Variants in RNF168 observed in about 807,000 individuals in gnomAD.
RNF168 encodes ring finger protein 168.
Under a neutral mutation model 34.9 loss-of-function variants are expected in RNF168, and 34 were observed. The ratio of observed to expected loss-of-function variants is 0.97; its 90% CI spans 0.74 to 1.30. The LOEUF is 1.30. RNF168 is among the 50% of genes most tolerant of loss of function. The pLI is 0.00. For missense variants in RNF168, 725 were observed against 682.5 expected, an observed-to-expected ratio of 1.06 and a Z score of -0.69; for synonymous variants, 264 against 254.7, an observed-to-expected ratio of 1.04 and a Z score of -0.35.
At chr3:196,486,912 G>T (rs1732440667) in intron 3 of RNF168, among the ~76,000 whole-genome samples, 1 of 152,128 alleles carries the variant, frequency 6.6e-6, no homozygotes, top group South Asian at 2.1e-4. Context: ...CCACAAAAAA[G>T]TAGCCAGGCA....
intron 4 of RNF168, among the ~76,000 whole-genome samples, chr3:196,478,070 C>T (rs1485204323): frequency 1.3e-5 from 2 of 152,224 alleles, no homozygotes; most frequent in Non-Finnish European, 2.9e-5. Context: ...CAGTGAGACC[C>T]TGTCTCTTAA....
In RNF168 at chr3:196,472,397, G is replaced by A. The variant is rs761901994; in HGVS notation, c.1138C>T (p.Leu380=). 10 of 1,613,846 alleles carry A rather than the reference G, an allele frequency of 6.2e-6. No homozygotes were observed. In the Admixed American group the frequency reaches 1.5e-4, roughly 24 times the overall value. ...GETENEESCL[L]ISKEISKRKN... ...CTTTTGGAAATCTCCTTACTGATCA[G>A]TAGGCACGACTCTTCATTTTCTGTC... is the stretch of plus-strand genomic sequence containing the variant. The change falls in exon 6 of 6, where the codon CTG becomes TTG. Residue 380 remains leucine (L), a synonymous_variant. Transcript: ENST00000318037.
intron 3 of RNF168, among the ~76,000 whole-genome samples, chr3:196,485,760 T>G (rs1420152171): frequency 2.0e-5 from 3 of 148,540 alleles, no homozygotes; most frequent in Non-Finnish European, 4.5e-5. Context: ...GTATACTCAT[T>G]TTGCTAAGTG....
rs1360881386 is a variant in RNF168, at chr3:196,502,604, A to AGGC, written c.301+266_301+268dup. Among the ~76,000 whole-genome samples, 518 of 149,962 alleles carry AGGC rather than the reference A, an allele frequency of 3.5e-3. 7 individuals carry two copies. The highest frequency in any genetic ancestry group is 0.013 in the South Asian group (63 of 4,758). ...TCCTGTCTCAAAAAAAAAAAAAAGA[A>AGGC]GGCTCCAGACGGGCAATTCTTTAAT... On this transcript the variant is annotated intron_variant, in intron 1 of 5. Transcript: ENST00000318037.
rs1385124416 is a variant in RNF168 at position 196,474,287 on chromosome 3, G to T, written c.762+944C>A. On this transcript the variant is annotated intron_variant, in intron 5 of 5. Transcript: ENST00000318037. ...GGACTACAGGTATGTGCCACACCTG[G>T]CTAATTTTTTTTTTTTTTTTGGTAT... Among the ~76,000 whole-genome samples the T allele has an allele frequency of 2.6e-5, 3 of 116,080 alleles. No homozygotes were observed. In the East Asian group the frequency reaches 6.1e-4, roughly 24 times the overall value. The allele number at this position is 116,080 out of a possible 152,430, so 76.2% of individuals were successfully genotyped here. A position where few individuals can be genotyped will look rare whatever the true frequency, so the allele number is the denominator to read the frequency against.
intron 1 of RNF168, among the ~76,000 whole-genome samples, chr3:196,497,067 A>C (rs1356586434): frequency 6.6e-6 from 1 of 151,874 alleles, no homozygotes; most frequent in Non-Finnish European, 1.5e-5. Flanking sequence ...AACTGCTTGA[A>C]CCTGGGAGGC....
Position 196,471,655 on chromosome 3 carries a change from A to T in RNF168, c.*164T>A. On this transcript the variant is annotated 3_prime_UTR_variant, in exon 6 of 6. Transcript: ENST00000318037. ...CCCTGCTTACCGCTGAGCTGTGCAG[A>T]AGCTCATGTGTCTATGCAGTCCTTA... 1 of 652,694 alleles carries T rather than the reference A, an allele frequency of 1.5e-6. No homozygotes were observed. The allele number at this position is 652,694 out of a possible 1,614,324, so 40.4% of individuals were successfully genotyped here. A position where few individuals can be genotyped will look rare whatever the true frequency, so the allele number is the denominator to read the frequency against.
Position 196,483,816 on chromosome 3 carries a change from C to T in RNF168, c.634G>A (p.Glu212Lys). The stretch of plus-strand genomic sequence containing the variant: ...CTTTGTTTGTTCTTACTTTTCTTTT[C>T]AGACTTGGGTGTAACTGGATCAGAT... ...RKSDPVTPKS[E>K]KKSKNKQRNT... Residue 212 changes from glutamate (E) to lysine (K), a missense_variant, in exon 4 of 6, where the codon GAA becomes AAA. Glu to Lys is a moderately conservative substitution (Grantham distance 56, BLOSUM62 1). Transcript: ENST00000318037. 1 of 1,609,714 alleles carries T rather than the reference C, an allele frequency of 6.2e-7. No individual in the cohort carries two copies. The highest frequency in any genetic ancestry group is 8.5e-7 in the Non-Finnish European group (1 of 1,176,104).
chr3:196,488,340 G>GAGT (rs1732506375), intron 2 of RNF168, among the ~76,000 whole-genome samples: 1 of 152,002 alleles, frequency 6.6e-6, no homozygotes, highest in Admixed American at 6.6e-5. Context: ...AAATTAGCCA[G>GAGT]GCGTAGTGGC....
At chr3:196,489,147 C>T (rs540378289) in intron 1 of RNF168, among the ~76,000 whole-genome samples, 91 of 151,750 alleles carry the variant, frequency 6.0e-4, no homozygotes, top group Middle Eastern at 3.4e-3. Flanking sequence ...TGAGCCACCA[C>T]GCCCGGCCTG....
chr3:196,482,145 T>C lies in RNF168; in HGVS notation c.680+1625A>G, dbSNP rs115584776. Among the ~76,000 whole-genome samples, 1,463 of 152,254 alleles carry C rather than the reference T, an allele frequency of 9.6e-3. 23 individuals carry two copies. Among genetic ancestry groups the C allele is most frequent in the African/African-American group, 0.034 (1,392 of 41,548 alleles). On this transcript the variant is annotated intron_variant, in intron 4 of 5. Coordinates refer to ENST00000318037, the MANE Select transcript of RNF168 (RefSeq NM_152617.4). Reference sequence around the variant, plus strand: ...TTCTGATACGGCACGTAAAGCCTTCTAAATACCACTTTAGCCACATACCAG... The same window carrying C: ...TTCTGATACGGCACGTAAAGCCTTCCAAATACCACTTTAGCCACATACCAG...
In RNF168 at chr3:196,502,976, G is replaced by A. The variant is rs1445416016; in HGVS notation, c.198C>T (p.Thr66=). The A allele has an allele frequency of 6.2e-7, 1 of 1,613,948 alleles. No homozygotes were observed. Among genetic ancestry groups the A allele is most frequent in the Admixed American group, 1.7e-5 (1 of 59,996 alleles). The change falls in exon 1 of 6, where the codon ACC becomes ACT. Residue 66 remains threonine, a synonymous_variant. Coordinates refer to ENST00000318037, the MANE Select transcript of RNF168 (RefSeq NM_152617.4). ...CCACGTTGACGAGAGAATTTCTTCG[G>A]GTATGGTACCGAGTCCACGACGATA... The part of the protein sequence containing the change: ...RRVSSWTRYH[T]RRNSLVNVEL...
At chr3:196,497,112 C>T (rs1010497852) in intron 1 of RNF168, among the ~76,000 whole-genome samples, 1 of 151,852 alleles carries the variant, frequency 6.6e-6, no homozygotes, top group Non-Finnish European at 1.5e-5. Context: ...CGCCACTGCA[C>T]TCCAGCCTAG....
intron 4 of RNF168, among the ~76,000 whole-genome samples, chr3:196,478,509 G>A (rs1381463362): frequency 1.3e-5 from 2 of 152,046 alleles, no homozygotes; most frequent in East Asian, 1.9e-4. Context: ...AGTCGCTCTC[G>A]GCCTACTCTG....
At chr3:196,488,253 G>A (rs919225631) in intron 2 of RNF168, among the ~76,000 whole-genome samples, 5 of 151,972 alleles carry the variant, frequency 3.3e-5, no homozygotes, top group Admixed American at 1.3e-4. Flanking sequence ...AGGCCGAGGC[G>A]GGCGGATCAC....
intron 3 of RNF168, among the ~76,000 whole-genome samples, chr3:196,486,636 G>C (rs970222601): frequency 6.6e-6 from 1 of 152,190 alleles, no homozygotes; most frequent in African/African-American, 2.4e-5. Flanking sequence ...ACCCTGGCAA[G>C]AAAAAAGTTG....
intron 1 of RNF168, among the ~76,000 whole-genome samples, chr3:196,489,347 G>C (rs1049479483): frequency 1.3e-5 from 2 of 148,262 alleles, no homozygotes; most frequent in African/African-American, 5.1e-5. Context: ...TTTTTTTTGA[G>C]ACAGAGTCTT....
chr3:196,492,574 A>C (rs1345558653), intron 1 of RNF168, among the ~76,000 whole-genome samples: 1 of 152,138 alleles, frequency 6.6e-6, no homozygotes, highest in African/African-American at 2.4e-5. Flanking sequence ...TCAGGAGTTC[A>C]AAACCAGCCT....
chr3:196,475,315 A>G lies in RNF168; in HGVS notation c.681-3T>C, dbSNP rs1333426637. On this transcript the variant is annotated splice_polypyrimidine_tract_variant and splice_region_variant and intron_variant, in intron 4 of 5. Coordinates refer to ENST00000318037, the MANE Select transcript of RNF168 (RefSeq NM_152617.4). ...ACTGAGATTTCGGTGTCAAATACCT[A>G]AAAGAAAAGTTTACCAAAGTTTCAA... 1.3e-6 allele frequency: 2 copies of G among 1,586,452 alleles called. No individual in the cohort carries two copies. Among genetic ancestry groups the G allele is most frequent in the South Asian group, 1.1e-5 (1 of 90,504 alleles).
Sources: gnomAD v4.1 joint callset for allele counts (sites outside exome capture counted in the v4.1 genomes callset) on GRCh38, gnomAD v4.1.1 for gene constraint, MANE v1.5 for transcripts, NCBI Gene and HGNC (gene_info 2026-07-23, HGNC 2026-07-21) for gene names.